The following XPO7 variants were observed in gnomAD, a reference collection of about 807,000 sequenced individuals.
XPO7 encodes the protein exportin 7, also known as exportin-7.
Under a neutral mutation model 144.3 loss-of-function variants are expected in XPO7, and 21 were observed. The ratio of observed to expected loss-of-function variants is 0.15; its 90% CI spans 0.10 to 0.21. XPO7 has a LOEUF of 0.21. XPO7 is among the 10% of genes least tolerant of loss of function. The pLI is 1.00. For synonymous variants in XPO7, 580 were observed against 499.6 expected (o/e 1.16, Z -2.15); for missense variants, 808 against 1,325.8 (o/e 0.61, Z 6.06).
At position 21,991,811 on chromosome 8, in the gene XPO7, A is replaced by G. The variant is rs1432388454; in HGVS notation, c.2042-57A>G. ...CCTCTTTCATCCCATCTTCCCATAT[A>G]TGCACAGCTTTGAATTCTTGGTATT... On this transcript the variant is annotated intron_variant, in intron 18 of 27. Coordinates refer to ENST00000252512, the MANE Select transcript of XPO7 (RefSeq NM_015024.5). 4 of 1,411,124 alleles carry G rather than the reference A, an allele frequency of 2.8e-6. No homozygotes were observed. In the East Asian group the frequency reaches 9.8e-5, roughly 35 times the overall value. 87.4% of individuals were successfully genotyped at this position (1,411,124 alleles called of 1,614,324 possible). A position where few individuals can be genotyped will look rare whatever the true frequency, so the allele number is the denominator to read the frequency against.
intron 12 of XPO7, among the ~76,000 whole-genome samples, chr8:21,985,381 C>T (rs1436512958): frequency 2.6e-5 from 4 of 152,202 alleles, no homozygotes; most frequent in Non-Finnish European, 5.9e-5. Flanking sequence ...AAATAATGGC[C>T]TTGTCTGATA....
chr8:21,979,299 C>T (rs1027807096), intron 8 of XPO7, among the ~76,000 whole-genome samples: 3 of 152,166 alleles, frequency 2.0e-5, no homozygotes, highest in Non-Finnish European at 4.4e-5. Flanking sequence ...CCTGTTTCAG[C>T]CTCCCAAAGT....
At chr8:21,945,158 G>A (rs979831420) in intron 1 of XPO7, among the ~76,000 whole-genome samples, 2 of 152,084 alleles carry the variant, frequency 1.3e-5, no homozygotes, top group Admixed American at 6.6e-5. Context: ...GGGCAGAGGG[G>A]CTCTTCACTT....
intron 8 of XPO7, among the ~76,000 whole-genome samples, chr8:21,978,222 A>G (rs1812289885): frequency 6.6e-6 from 1 of 152,214 alleles, no homozygotes; most frequent in Admixed American, 6.5e-5. Flanking sequence ...AGATTGTCAT[A>G]AATGGAAACT....
At chr8:21,934,619 A>G (rs1463583862) in intron 1 of XPO7, among the ~76,000 whole-genome samples, 2 of 152,216 alleles carry the variant, frequency 1.3e-5, no homozygotes, top group South Asian at 4.1e-4. Context: ...GGGACAGTGT[A>G]CCAGACAAAA....
At chr8:21,940,550 A>G (rs1364391748) in intron 1 of XPO7, among the ~76,000 whole-genome samples, 3 of 149,790 alleles carry the variant, frequency 2.0e-5, no homozygotes, top group Non-Finnish European at 4.5e-5. Flanking sequence ...GCTCACTGCA[A>G]CCTCCATCTC....
At chr8:21,937,716 T>A (rs755286707) in intron 1 of XPO7, among the ~76,000 whole-genome samples, 5 of 152,218 alleles carry the variant, frequency 3.3e-5, no homozygotes. Flanking sequence ...TAAAGTACCC[T>A]GGACCAACAA....
intron 17 of XPO7, 157 bp downstream of exon 17, chr8:21,990,564 C>G: frequency 1.2e-6 from 1 of 859,628 alleles, no homozygotes; most frequent in Non-Finnish European, 1.8e-6. Context: ...CTTACGTCAT[C>G]AGAGTGGCTC....
intron 18 of XPO7, 188 bp from the exon 19 acceptor site, chr8:21,991,680 C>T: frequency 2.2e-6 from 1 of 455,924 alleles, no homozygotes; most frequent in Admixed American, 4.0e-5. Context: ...CTGTTGTCAT[C>T]TTCTAGTTTA....
Position 21,999,671 on chromosome 8 carries a change from C to G in XPO7, c.2779C>G (p.Leu927Val), listed in dbSNP as rs1813071783. ...TTCCATTTCTGAAGGACTTACTGCACTTGGTAAGCACCTGAGGTGGGTGGG... is the reference window on the plus strand; with the variant it reads ...TTCCATTTCTGAAGGACTTACTGCAGTTGGTAAGCACCTGAGGTGGGTGGG... ...LSSISEGLTA[L>V]DTMVCTGCCS... is the part of the protein sequence containing the mutation. Residue 927 changes from leucine to valine, a missense_variant, in exon 24 of 28, where the codon CTT becomes GTT. By Grantham distance (32) the Leu-to-Val change is conservative. Transcript: ENST00000252512. The G allele has an allele frequency of 6.2e-7, 1 of 1,614,012 alleles. No homozygotes were observed. The highest frequency in any genetic ancestry group is 8.5e-7 in the Non-Finnish European group (1 of 1,179,894).
chr8:21,961,405 G>A (rs563364156), intron 1 of XPO7, among the ~76,000 whole-genome samples: 134 of 151,832 alleles, frequency 8.8e-4, no homozygotes, highest in African/African-American at 3.2e-3. Flanking sequence ...TTGTAGAGGC[G>A]GAGTCTCCCT....
At chr8:22,001,169 G>C (rs1813131616) in intron 24 of XPO7, among the ~76,000 whole-genome samples, 1 of 152,164 alleles carries the variant, frequency 6.6e-6, no homozygotes, top group East Asian at 1.9e-4. Context: ...AGCTCGGCGT[G>C]GTGGTGTGTG....
At chr8:21,920,463 C>T (rs937115800) in intron 1 of XPO7, among the ~76,000 whole-genome samples, 1 of 152,046 alleles carries the variant, frequency 6.6e-6, no homozygotes, top group Non-Finnish European at 1.5e-5. Context: ...AGTTGAGCGC[C>T]CACACCTCCT....
intron 19 of XPO7, among the ~76,000 whole-genome samples, chr8:21,993,565 A>G (rs1812836398): frequency 1.3e-5 from 2 of 152,182 alleles, no homozygotes; most frequent in African/African-American, 2.4e-5. Flanking sequence ...TCATGTCCCA[A>G]GTAAAAGTTT....
intron 1 of XPO7, among the ~76,000 whole-genome samples, chr8:21,935,393 A>G (rs2117257213): frequency 6.6e-6 from 1 of 152,348 alleles, no homozygotes; most frequent in East Asian, 1.9e-4. Flanking sequence ...TGAACAAACT[A>G]ATTGGAAATT....
chr8:21,980,787 A>C (rs1302330839), intron 9 of XPO7, among the ~76,000 whole-genome samples: 3 of 152,144 alleles, frequency 2.0e-5, no homozygotes, highest in Non-Finnish European at 2.9e-5. Flanking sequence ...AAAAAAAAAA[A>C]AAACTAACAT....
At chr8:21,926,100 A>T (rs1230278784) in intron 1 of XPO7, among the ~76,000 whole-genome samples, 1 of 152,196 alleles carries the variant, frequency 6.6e-6, no homozygotes, top group Non-Finnish European at 1.5e-5. Flanking sequence ...AATGATTCTC[A>T]CTTAAAAGCC....
chr8:22,004,863 A>C, intron 27 of XPO7, 132 bp from the exon 28 acceptor site: 1 of 572,876 alleles, frequency 1.7e-6, no homozygotes, highest in Non-Finnish European at 3.0e-6. Flanking sequence ...TAAGACTGAA[A>C]TTAACTGATC....
At chr8:21,976,650 T>C (rs1054124105) in intron 7 of XPO7, 129 bp downstream of exon 7, 3 of 1,170,296 alleles carry the variant, frequency 2.6e-6, no homozygotes, top group Non-Finnish European at 3.5e-6. Context: ...TCTAACGTCT[T>C]TTTTTGTTTG....
Sources: allele counts gnomAD v4.1 joint callset (sites outside exome capture counted in the v4.1 genomes callset), GRCh38; gene constraint gnomAD v4.1.1; transcripts MANE v1.5; gene names NCBI Gene and HGNC (gene_info 2026-07-23, HGNC 2026-07-21).